Variants in STK10 observed in about 807,000 individuals in gnomAD.
STK10 encodes the protein serine/threonine-protein kinase 10.
STK10 carries 78 observed loss-of-function variants against 113.8 expected under a neutral mutation model. The ratio of observed to expected loss-of-function variants is 0.69; its 90% confidence interval spans 0.57 to 0.83. STK10 has a LOEUF of 0.83. STK10 is among the 40% of genes least tolerant of loss of function. The probability of loss-of-function intolerance (pLI) is 0.00; values close to 1 mark genes in which losing one functional copy is unlikely to be tolerated. For missense variants in STK10, 1,109 were observed against 1,280.1 expected, an observed-to-expected ratio of 0.87 and a Z score of 2.04; for synonymous variants, 465 against 494.7, an observed-to-expected ratio of 0.94 and a Z score of 0.80.
intron 1 of STK10, among the ~76,000 whole-genome samples, chr5:172,180,996 A>AGATGAATGCAGAAAACTGCACTCAGCT (rs1770845444): frequency 2.0e-5 from 3 of 152,246 alleles, no homozygotes; most frequent in African/African-American, 7.2e-5. Flanking sequence ...TGAACGCCGC[A>AGATGAATGCAGAAAACTGCACTCAGCT]GATGAATGCA....
intron 8 of STK10, among the ~76,000 whole-genome samples, chr5:172,094,902 T>C (rs1016304468): frequency 1.3e-5 from 2 of 152,234 alleles, no homozygotes; most frequent in African/African-American, 4.8e-5. Flanking sequence ...AATGTTGCTA[T>C]GCTAAGGTGA....
chr5:172,136,555 C>A (rs534939541), intron 2 of STK10, among the ~76,000 whole-genome samples: 2 of 152,186 alleles, frequency 1.3e-5, no homozygotes, highest in African/African-American at 2.4e-5. Flanking sequence ...CAAGATCGCG[C>A]CACTGCACTC....
At position 172,111,432 on chromosome 5, in the gene STK10, C is replaced by T. The variant is rs570463970; in HGVS notation, c.521-3580G>A. ...AGGTCCCCAGGGCCTCCCTCAGGCACGCACCAGCCAGCTCTTTGGGTAGCT... is the reference window on the plus strand; with the variant it reads ...AGGTCCCCAGGGCCTCCCTCAGGCATGCACCAGCCAGCTCTTTGGGTAGCT... On this transcript the variant is annotated intron_variant, in intron 4 of 18. Coordinates refer to ENST00000176763, the MANE Select transcript of STK10 (RefSeq NM_005990.4). Among the ~76,000 whole-genome samples the T allele has an allele frequency of 1.4e-4, 22 of 152,322 alleles. No individual in the cohort carries two copies. The South Asian group carries it at 1.9e-3, about 13-fold the overall frequency.
intron 2 of STK10, among the ~76,000 whole-genome samples, chr5:172,156,321 G>C (rs1316907863): frequency 6.6e-6 from 1 of 152,214 alleles, no homozygotes; most frequent in Non-Finnish European, 1.5e-5. Flanking sequence ...TACAGATGGA[G>C]AAACTAAGGC....
At chr5:172,161,205 A>G (rs986293926) in intron 1 of STK10, among the ~76,000 whole-genome samples, 8 of 152,114 alleles carry the variant, frequency 5.3e-5, no homozygotes, top group African/African-American at 1.9e-4. Flanking sequence ...TAATCCTAGC[A>G]CTTTGGGAAG....
At chr5:172,099,077 A>T (rs59604259) in intron 7 of STK10, among the ~76,000 whole-genome samples, 52,322 of 149,430 alleles carry the variant, frequency 0.35, 11,602 homozygotes, top group African/African-American at 0.66. Context: ...ATCATTATCA[A>T]CATCATCATC....
chr5:172,082,141 GT>G lies in STK10; in HGVS notation c.1989+184del, dbSNP rs1396846878. Among the ~76,000 whole-genome samples, 2 of 152,156 alleles carry G rather than the reference GT, an allele frequency of 1.3e-5. No homozygotes were observed. The highest frequency in any genetic ancestry group is 1.9e-4 in the East Asian group (1 of 5,180). ...CCATAGCAACACAGAGGAAAGCAGA[GT>G]TCAGAAGATGGAGAAGTGGCTCCTC... is the stretch of plus-strand genomic sequence containing the variant. On this transcript the variant is annotated intron_variant, in intron 12 of 18. Coordinates refer to ENST00000176763, the MANE Select transcript of STK10 (RefSeq NM_005990.4). This position sits in a 1 kb window ranked among gnomAD's most constrained non-coding sequence, Gnocchi z 4.3.
Position 172,053,019 on chromosome 5 carries a change from T to C in STK10, c.2676A>G (p.Val892=). ...CCTTCAGTTTCTGGGTTTCGTGCTC[T>C]ACCAGGAGGTGGCACTTTTCATTCT... The part of the protein sequence containing the change: ...QLQNEKCHLL[V]EHETQKLKAL... The change falls in exon 18 of 19, where the codon GTA becomes GTG. Residue 892 remains valine (V), a synonymous_variant. Coordinates refer to ENST00000176763, the MANE Select transcript of STK10 (RefSeq NM_005990.4). The C allele has an allele frequency of 6.2e-7, 1 of 1,614,178 alleles. No individual in the cohort carries two copies. Among genetic ancestry groups the C allele is most frequent in the Non-Finnish European group, 8.5e-7 (1 of 1,180,028 alleles).
chr5:172,044,807 AGTTACAT>A lies in STK10; in HGVS notation c.*68_*74del. ...GACGCAAGAGGGAAAAGGGGTCCTG[AGTTACAT>A]GTTCACAGAGAATGAAGGAGAAGGC... On this transcript the variant is annotated 3_prime_UTR_variant, in exon 19 of 19. Coordinates refer to ENST00000176763, the MANE Select transcript of STK10 (RefSeq NM_005990.4). This position sits in a 1 kb window ranked among gnomAD's most constrained non-coding sequence, Gnocchi z 4.5. The A allele has an allele frequency of 1.2e-6, 2 of 1,609,682 alleles. No individual in the cohort carries two copies. Among genetic ancestry groups the A allele is most frequent in the Non-Finnish European group, 1.7e-6 (2 of 1,178,262 alleles).
At chr5:172,096,680 A>C in intron 7 of STK10, 120 bp from the exon 8 acceptor site, 5 of 1,386,196 alleles carry the variant, frequency 3.6e-6, no homozygotes, top group Non-Finnish European at 5.0e-6. Context: ...CAAAATGTGC[A>C]CATGAACTTG....
At chr5:172,176,196 C>T (rs1770754951) in intron 1 of STK10, among the ~76,000 whole-genome samples, 1 of 152,164 alleles carries the variant, frequency 6.6e-6, no homozygotes, top group South Asian at 2.1e-4. Flanking sequence ...AAGTAAATTC[C>T]TCAGCATCAC....
chr5:172,097,653 C>T (rs1324514018), intron 7 of STK10, among the ~76,000 whole-genome samples: 1 of 152,156 alleles, frequency 6.6e-6, no homozygotes, highest in Non-Finnish European at 1.5e-5. Flanking sequence ...GTTTATTCAT[C>T]CTGCTGCTGC....
At position 172,082,630 on chromosome 5, in the gene STK10, AC is replaced by A. The variant is rs1768459118; in HGVS notation, c.1810-126del. The A allele has an allele frequency of 7.9e-7, 1 of 1,265,704 alleles. No homozygotes were observed. The highest frequency in any genetic ancestry group is 1.6e-5 in the South Asian group (1 of 63,122). 78.4% of individuals were successfully genotyped at this position (1,265,704 alleles called of 1,614,324 possible). A position where few individuals can be genotyped will look rare whatever the true frequency, so the allele number is the denominator to read the frequency against. ...CCTAAGCTTGAATCCCAGCTCTACT[AC>A]CCCGTTGCTGTGTGACCTGGGGCAA... On this transcript the variant is annotated intron_variant, in intron 11 of 18. Transcript: ENST00000176763. This position sits in a 1 kb window ranked among gnomAD's most constrained non-coding sequence, Gnocchi z 4.3.
chr5:172,142,893 G>A (rs766414586), intron 2 of STK10, among the ~76,000 whole-genome samples: 7 of 152,286 alleles, frequency 4.6e-5, no homozygotes, highest in East Asian at 3.9e-4. Flanking sequence ...CTGGGTGGGT[G>A]GGGGGAAAGG....
intron 2 of STK10, among the ~76,000 whole-genome samples, chr5:172,131,094 C>T (rs1331929075): frequency 2.2e-5 from 3 of 134,452 alleles, no homozygotes; most frequent in East Asian, 2.2e-4. Flanking sequence ...AGTGCAGTGG[C>T]GCGATCTTGG....
At chr5:172,075,711 T>C (rs1434534329) in intron 12 of STK10, among the ~76,000 whole-genome samples, 1 of 152,044 alleles carries the variant, frequency 6.6e-6, no homozygotes, top group African/African-American at 2.4e-5. Context: ...ATAAAATAAA[T>C]ACATATGGGT....
chr5:172,138,137 A>T (rs1172694903), intron 2 of STK10, among the ~76,000 whole-genome samples: 2 of 151,962 alleles, frequency 1.3e-5, no homozygotes, highest in East Asian at 3.9e-4. Context: ...TTATTTTTTT[A>T]TTGAGATGGA....
intron 1 of STK10, among the ~76,000 whole-genome samples, chr5:172,170,137 TTC>T (rs1491380567): frequency 6.6e-6 from 1 of 151,494 alleles, no homozygotes; most frequent in African/African-American, 2.4e-5. Context: ...TTTTTTTTTT[TTC>T]AGTATGTATT....
intron 1 of STK10, among the ~76,000 whole-genome samples, chr5:172,163,746 T>C (rs1285091577): frequency 6.6e-6 from 1 of 152,226 alleles, no homozygotes; most frequent in Non-Finnish European, 1.5e-5. Flanking sequence ...AAAATTTGCA[T>C]GAGGGAATCA....
Sources: gnomAD v4.1 joint callset for allele counts (sites outside exome capture counted in the v4.1 genomes callset) on GRCh38, gnomAD v4.1.1 for gene constraint, Gnocchi (gnomAD v3.1) non-coding constraint, MANE v1.5 for transcripts, NCBI Gene and HGNC (gene_info 2026-07-23, HGNC 2026-07-21) for gene names.